Variants in PRDM2 observed in about 807,000 individuals in gnomAD.
PRDM2 encodes the protein PR/SET domain 2, also known as PR domain zinc finger protein 2.
A neutral mutation model predicts 130.0 loss-of-function variants in PRDM2; 30 were observed. The observed-to-expected ratio is 0.23, with a 90% CI of 0.17 to 0.31. PRDM2 has a LOEUF of 0.31. Ranked by LOEUF, PRDM2 falls within the 10% of genes least tolerant of loss-of-function variation. The pLI, the probability that PRDM2 is intolerant of heterozygous loss-of-function variation, is 1.00. For synonymous variants in PRDM2, 871 were observed against 782.4 expected, an observed-to-expected ratio of 1.11 and a Z score of -1.89; for missense variants, 2,011 against 2,108.4, an observed-to-expected ratio of 0.95 and a Z score of 0.90.
At chr1:13,751,286 A>G (rs546107725) in intron 6 of PRDM2, among the ~76,000 whole-genome samples, 1 of 152,026 alleles carries the variant, frequency 6.6e-6, no homozygotes, top group Admixed American at 6.5e-5. Context: ...ATTTTGTACT[A>G]CTCTGGGCAG....
At chr1:13,749,525 C>T (rs953451168) in intron 6 of PRDM2, 38 bp downstream of exon 6, 46 of 1,251,738 alleles carry the variant, frequency 3.7e-5, no homozygotes, top group Middle Eastern at 6.8e-4. Flanking sequence ...GCCCCGGCGC[C>T]ACGCCCGCCC....
intron 8 of PRDM2, among the ~76,000 whole-genome samples, chr1:13,814,672 C>G (rs1645229210): frequency 6.6e-6 from 1 of 152,196 alleles, no homozygotes; most frequent in Non-Finnish European, 1.5e-5. Context: ...AACGATGTCT[C>G]CACACATTAC....
chr1:13,735,133 A>G (rs1643228120), intron 4 of PRDM2, among the ~76,000 whole-genome samples: 1 of 152,224 alleles, frequency 6.6e-6, no homozygotes. Flanking sequence ...TCCATTTTAA[A>G]GCTAATCTAA....
At chr1:13,748,884 GCGCGTGGTTC>G (rs1188831807) in intron 5 of PRDM2, among the ~76,000 whole-genome samples, 1 of 152,232 alleles carries the variant, frequency 6.6e-6, no homozygotes, top group Admixed American at 6.5e-5. Context: ...GTAAGTGCTT[GCGCGTGGTTC>G]CTCCTCGTTG....
At chr1:13,705,807 C>A (rs1228581283) in intron 1 of PRDM2, among the ~76,000 whole-genome samples, 1 of 151,800 alleles carries the variant, frequency 6.6e-6, no homozygotes, top group Admixed American at 6.6e-5. Flanking sequence ...CATGGTGAAA[C>A]CCCATCTCTA....
chr1:13,710,136 C>G (rs1642324932), intron 1 of PRDM2, among the ~76,000 whole-genome samples: 1 of 152,168 alleles, frequency 6.6e-6, no homozygotes, highest in Non-Finnish European at 1.5e-5. Flanking sequence ...GATATGAAGA[C>G]AGTTTAAGTG....
intron 1 of PRDM2, among the ~76,000 whole-genome samples, chr1:13,702,891 G>A (rs1295268190): frequency 6.6e-6 from 1 of 152,198 alleles, no homozygotes; most frequent in Non-Finnish European, 1.5e-5. Flanking sequence ...ATGGTTGGGG[G>A]AAAATCGTCA....
At chr1:13,737,712 A>C (rs747466968) in intron 4 of PRDM2, among the ~76,000 whole-genome samples, 20 of 152,216 alleles carry the variant, frequency 1.3e-4, no homozygotes, top group Non-Finnish European at 2.5e-4. Context: ...ATTGAAGTAC[A>C]GAGAATTAAG....
intron 8 of PRDM2, among the ~76,000 whole-genome samples, chr1:13,791,285 A>G (rs573479826): frequency 1.3e-5 from 2 of 152,190 alleles, no homozygotes; most frequent in South Asian, 4.1e-4. Context: ...TCCTGGACCC[A>G]TTTGCTTTTA....
intron 2 of PRDM2, among the ~76,000 whole-genome samples, chr1:13,726,147 A>G (rs1642908714): frequency 6.6e-6 from 1 of 152,250 alleles, no homozygotes; most frequent in African/African-American, 2.4e-5. Context: ...TCACAGTTGT[A>G]TCTGACACAT....
intron 5 of PRDM2, 96 bp from the exon 6 acceptor site, chr1:13,749,239 GCGGCGCCGCCGACAGCTGTTTGCCAT>G (rs1643720401): frequency 2.1e-6 from 2 of 949,418 alleles, no homozygotes; most frequent in South Asian, 4.5e-5. Context: ...CCGGGTGCGC[GCGGCGCCGCCGACAGCTGTTTGCCAT>G]CGGCGCCGCT....
chr1:13,732,676 C>A, intron 3 of PRDM2, 103 bp from the exon 4 acceptor site: 3 of 738,028 alleles, frequency 4.1e-6, no homozygotes, highest in Non-Finnish European at 6.4e-6. Flanking sequence ...TTGATTTAGG[C>A]AGTCTAGCCT....
intron 1 of PRDM2, among the ~76,000 whole-genome samples, chr1:13,702,439 G>A (rs1476031505): frequency 2.0e-5 from 3 of 152,002 alleles, no homozygotes; most frequent in African/African-American, 4.8e-5. Flanking sequence ...TTAAAGTTCT[G>A]TAATCTTTTG....
At chr1:13,750,127 T>G (rs533582162) in intron 6 of PRDM2, among the ~76,000 whole-genome samples, 13 of 152,344 alleles carry the variant, frequency 8.5e-5, no homozygotes, top group Admixed American at 1.3e-4. Flanking sequence ...CTCATAGTTT[T>G]ACGACTTCTG....
At chr1:13,747,437 C>T (rs575695807) in intron 5 of PRDM2, among the ~76,000 whole-genome samples, 93 of 152,244 alleles carry the variant, frequency 6.1e-4, no homozygotes, top group Middle Eastern at 3.4e-3. Context: ...AAAAGGCGTT[C>T]TTGATGGCTG....
intron 6 of PRDM2, among the ~76,000 whole-genome samples, chr1:13,760,218 G>A (rs1644062932): frequency 6.6e-6 from 1 of 152,116 alleles, no homozygotes. Context: ...TTAAAGACAG[G>A]ATCCTATAAA....
rs1359706728 is a variant in PRDM2, at chr1:13,786,689, A to C, written c.5036+3858A>C. ...TTCAGCTGATTGCCGGCAGGCTTAG[A>C]GTCAGGCATCTGCTGCTTCGGTGGG... is the stretch of plus-strand genomic sequence containing the variant. On this transcript the variant is annotated intron_variant, in intron 8 of 9. Coordinates refer to ENST00000311066, the MANE Select transcript of PRDM2 (RefSeq NM_001393986.1). 2.7e-6 allele frequency: 4 copies of C among 1,486,156 alleles called. No homozygotes were observed. The East Asian group carries it at 9.3e-5, about 35-fold the overall frequency. 92.1% of individuals were successfully genotyped at this position (1,486,156 alleles called of 1,614,324 possible). A position where few individuals can be genotyped will look rare whatever the true frequency, so the allele number is the denominator to read the frequency against.
intron 8 of PRDM2, chr1:13,787,983 A>G: frequency 1.0e-6 from 1 of 985,404 alleles, no homozygotes; most frequent in Non-Finnish European, 1.2e-6. Flanking sequence ...TATTAAAAAA[A>G]GATTTGTTGT....
At position 13,742,226 on chromosome 1, in the gene PRDM2, G is replaced by A. The variant is rs917453145; in HGVS notation, c.384+69G>A. On this transcript the variant is annotated intron_variant, in intron 5 of 9. Transcript: ENST00000311066. ...GTTTTCCTTTTTCTTTTTTTGAGAC[G>A]GTCTCATTCTGTCTCTCAGGCTGGA... The A allele has an allele frequency of 9.4e-6, 14 of 1,496,350 alleles. No homozygotes were observed. The Admixed American group carries it at 1.2e-4, about 13-fold the overall frequency. 92.7% of individuals were successfully genotyped at this position (1,496,350 alleles called of 1,614,324 possible). A position where few individuals can be genotyped will look rare whatever the true frequency, so the allele number is the denominator to read the frequency against.
Sources: allele counts gnomAD v4.1 joint callset (sites outside exome capture counted in the v4.1 genomes callset), GRCh38; gene constraint gnomAD v4.1.1; transcripts MANE v1.5; gene names NCBI Gene and HGNC (gene_info 2026-07-23, HGNC 2026-07-21).